NOP14: variants seen among roughly 807,000 people sequenced by gnomAD.
NOP14 encodes NOP14 nucleolar protein.
A neutral mutation model predicts 101.6 loss-of-function variants in NOP14; 57 were observed. The observed-to-expected ratio is 0.56, with a 90% CI of 0.45 to 0.70. NOP14 has a LOEUF of 0.70. Among genes scored for constraint, NOP14 ranks in the 30% least tolerant of loss-of-function variants. The pLI is 0.00. For missense variants in NOP14, 1,134 were observed against 1,075.5 expected, an observed-to-expected ratio of 1.05 and a Z score of -0.76; for synonymous variants, 428 against 424.0, an observed-to-expected ratio of 1.01 and a Z score of -0.12.
intron 15 of NOP14, among the ~76,000 whole-genome samples, chr4:2,940,055 C>CT (rs375884294): frequency 6.6e-6 from 1 of 152,356 alleles, no homozygotes; most frequent in African/African-American, 2.4e-5. Flanking sequence ...CACAGGAGAA[C>CT]CCCTTTCTGC....
rs1486165682 is a variant in NOP14, at chr4:2,944,245, G to A, written c.1738-19C>T. Reference sequence around the variant, plus strand: ...TGGGGCACTGGAAAGGAACATATGGGGGGTTACTGTCCTGGGACGATGTCA... The same window carrying A: ...TGGGGCACTGGAAAGGAACATATGGAGGGTTACTGTCCTGGGACGATGTCA... On this transcript the variant is annotated intron_variant, in intron 12 of 17. Transcript: ENST00000416614. The A allele has an allele frequency of 6.8e-6, 11 of 1,606,624 alleles. No individual in the cohort carries two copies. The highest frequency in any genetic ancestry group is 9.3e-6 in the Non-Finnish European group (11 of 1,177,610).
intron 5 of NOP14, among the ~76,000 whole-genome samples, 162 bp from the exon 6 acceptor site, chr4:2,952,559 C>T (rs1715100198): frequency 6.6e-6 from 1 of 152,180 alleles, no homozygotes; most frequent in African/African-American, 2.4e-5. Flanking sequence ...GAAAACTGTT[C>T]TGATAAGCCC....
At chr4:2,950,340 G>A (rs1714940312) in intron 7 of NOP14, 127 bp from the exon 8 acceptor site, 1 of 1,020,336 alleles carries the variant, frequency 9.8e-7, no homozygotes, top group Non-Finnish European at 1.5e-6. Context: ...ACAAACCTGT[G>A]TGCTCCATTT....
chr4:2,942,121 G>A lies in NOP14; in HGVS notation c.2051+71C>T. On this transcript the variant is annotated intron_variant, in intron 14 of 17. Coordinates refer to ENST00000416614, the MANE Select transcript of NOP14 (RefSeq NM_001291978.2). ...TTCACTAAGAACAGCACATCAGAAA[G>A]CACGAGTGGCTTCTCCTGCCTCTGG... is the stretch of plus-strand genomic sequence containing the variant. The A allele has an allele frequency of 2.0e-6, 3 of 1,488,492 alleles. No homozygotes were observed. In the Admixed American group the frequency reaches 5.7e-5, roughly 28 times the overall value. 92.2% of individuals were successfully genotyped at this position (1,488,492 alleles called of 1,614,324 possible).
intron 3 of NOP14, among the ~76,000 whole-genome samples, chr4:2,955,737 A>C (rs1715307131): frequency 6.6e-6 from 1 of 152,260 alleles, no homozygotes; most frequent in African/African-American, 2.4e-5. Context: ...TGAAAAGAGC[A>C]AAGACAAAGG....
rs1715094620 is a variant in NOP14 at position 2,952,479 on chromosome 4, C to A, written c.748-82G>T. The A allele has an allele frequency of 2.3e-6, 3 of 1,279,304 alleles. No individual in the cohort carries two copies. In the South Asian group the frequency reaches 4.9e-5, roughly 21 times the overall value. 79.2% of individuals were successfully genotyped at this position (1,279,304 alleles called of 1,614,324 possible). A position where few individuals can be genotyped will look rare whatever the true frequency, so the allele number is the denominator to read the frequency against. On this transcript the variant is annotated intron_variant, in intron 5 of 17. Coordinates refer to ENST00000416614, the MANE Select transcript of NOP14 (RefSeq NM_001291978.2). ...AAAAAGAAAAGATCTAGCTTCCTGG[C>A]ACATTCTAGTAATGGCTAGATAATG...
chr4:2,951,052 CA>C (rs1714993904), intron 7 of NOP14, 61 bp downstream of exon 7: 14 of 1,467,114 alleles, frequency 9.5e-6, no homozygotes, highest in African/African-American at 2.8e-5. Context: ...AAATGAATAC[CA>C]AAAAAATGTT....
chr4:2,943,944 T>C (rs1482458978), intron 13 of NOP14, 129 bp downstream of exon 13: 4 of 709,398 alleles, frequency 5.6e-6, no homozygotes, highest in East Asian at 2.8e-5. Context: ...GGACAGACAG[T>C]GCGGCGGGTG....
chr4:2,941,800 A>G (rs1714219075), intron 14 of NOP14, 71 bp from the exon 15 acceptor site: 3 of 1,517,790 alleles, frequency 2.0e-6, no homozygotes, highest in South Asian at 2.4e-5. Context: ...TAACGTGGCA[A>G]AAATGAACTT....
intron 7 of NOP14, 74 bp from the exon 8 acceptor site, chr4:2,950,287 A>G (rs1714936498): frequency 6.7e-7 from 1 of 1,498,116 alleles, no homozygotes; most frequent in Admixed American, 1.7e-5. Flanking sequence ...AGCCACATCA[A>G]GAGGCTGCCC....
At chr4:2,942,456 A>G (rs1714282580) in intron 13 of NOP14, 105 bp from the exon 14 acceptor site, 5 of 1,157,920 alleles carry the variant, frequency 4.3e-6, no homozygotes, top group Non-Finnish European at 6.2e-6. Context: ...ACAGACGCAC[A>G]CCGATTTTTA....
chr4:2,955,856 G>A (rs1301332531), intron 3 of NOP14, among the ~76,000 whole-genome samples: 5 of 152,246 alleles, frequency 3.3e-5, no homozygotes, highest in Non-Finnish European at 7.3e-5. Flanking sequence ...CATGCTTGCT[G>A]CCCTAATTCC....
intron 7 of NOP14, chr4:2,950,720 G>A (rs917627185): frequency 3.5e-4 from 68 of 195,902 alleles, no homozygotes; most frequent in African/African-American, 1.6e-3. Flanking sequence ...ACCAGTCATG[G>A]AAACTCAATG....
intron 1 of NOP14, among the ~76,000 whole-genome samples, chr4:2,962,917 G>C (rs558673780): frequency 6.6e-6 from 1 of 152,208 alleles, no homozygotes; most frequent in Non-Finnish European, 1.5e-5. Context: ...AATAACACGA[G>C]TGCAGGGTCT....
intron 11 of NOP14, among the ~76,000 whole-genome samples, chr4:2,946,158 C>T (rs536282133): frequency 1.5e-5 from 2 of 136,828 alleles, no homozygotes; most frequent in South Asian, 4.7e-4. Context: ...ATCACCCTCA[C>T]TGCCGTGCAC....
At chr4:2,957,774 A>C in intron 1 of NOP14, 34 bp from the exon 2 acceptor site, 1 of 1,607,748 alleles carries the variant, frequency 6.2e-7, no homozygotes, top group Non-Finnish European at 8.5e-7. Flanking sequence ...CTCACAAAAA[A>C]TTCTTGTGAT....
Position 2,944,039 on chromosome 4 carries a change from CAT to C in NOP14, c.1891+32_1891+33del, listed in dbSNP as rs756786758. ...TACTTAAAAAAATTCTAAAGTATAA[CAT>C]ATTTGTAGGAACCTCCCTCAAATCA... On this transcript the variant is annotated intron_variant, in intron 13 of 17. Coordinates refer to ENST00000416614, the MANE Select transcript of NOP14 (RefSeq NM_001291978.2). The C allele has an allele frequency of 2.6e-6, 4 of 1,559,060 alleles. No homozygotes were observed. The African/African-American group carries it at 4.1e-5, about 16-fold the overall frequency.
chr4:2,960,537 G>A (rs534693029), intron 1 of NOP14, among the ~76,000 whole-genome samples: 11 of 151,282 alleles, frequency 7.3e-5, no homozygotes, highest in East Asian at 1.9e-4. Flanking sequence ...TGGAATTTAC[G>A]GCATAAAATG....
In NOP14 at chr4:2,939,045, A is replaced by G. The variant is rs76093578; in HGVS notation, c.2475-115T>C. On this transcript the variant is annotated intron_variant, in intron 17 of 17. Transcript: ENST00000416614. ...CACCGTGGCCACGTTCAGTTCAAACAGGGGGAAGTGAACCTGCCTGGCTCC... is the reference window on the plus strand; with the variant it reads ...CACCGTGGCCACGTTCAGTTCAAACGGGGGGAAGTGAACCTGCCTGGCTCC... The G allele has an allele frequency of 4.8e-3, 7,104 of 1,476,368 alleles. 160 individuals are homozygous for G. The African/African-American group carries it at 0.066, about 14-fold the overall frequency. 91.5% of individuals were successfully genotyped at this position (1,476,368 alleles called of 1,614,324 possible). A position where few individuals can be genotyped will look rare whatever the true frequency, so the allele number is the denominator to read the frequency against.
Sources: allele counts gnomAD v4.1 joint callset (sites outside exome capture counted in the v4.1 genomes callset), GRCh38; gene constraint gnomAD v4.1.1; transcripts MANE v1.5; gene names NCBI Gene and HGNC (gene_info 2026-07-23, HGNC 2026-07-21).